PDSS2: variants seen among roughly 807,000 people sequenced by gnomAD.
PDSS2 encodes the protein decaprenyl diphosphate synthase subunit 2.
Under a neutral mutation model 44.5 loss-of-function variants are expected in PDSS2, and 31 were observed. The observed-to-expected ratio is 0.70, with a 90% confidence interval of 0.52 to 0.94. The LOEUF (loss-of-function observed/expected upper bound fraction) is 0.94. Ranked by LOEUF, PDSS2 falls within the 40% of genes least tolerant of loss-of-function variation. The pLI is 0.00. For synonymous variants in PDSS2, 157 were observed against 180.3 expected (o/e 0.87, Z 1.03); for missense variants, 452 against 482.2 (o/e 0.94, Z 0.59).
intron 2 of PDSS2, among the ~76,000 whole-genome samples, chr6:107,279,631 T>A (rs1775894836): frequency 1.3e-5 from 2 of 152,178 alleles, no homozygotes. Context: ...CCCCAAATTA[T>A]AAGATTCAGG....
chr6:107,185,046 G>A (rs574820393), intron 7 of PDSS2, among the ~76,000 whole-genome samples: 5 of 151,188 alleles, frequency 3.3e-5, no homozygotes, highest in South Asian at 4.2e-4. Flanking sequence ...GTGGAGATGG[G>A]AGGATCTCTT....
At chr6:107,344,460 C>T (rs575159253) in intron 1 of PDSS2, among the ~76,000 whole-genome samples, 3 of 152,226 alleles carry the variant, frequency 2.0e-5, no homozygotes, top group African/African-American at 7.2e-5. Context: ...CCTGAGGTGA[C>T]CAGCCTTTAG....
At chr6:107,322,485 C>G (rs937000237) in intron 2 of PDSS2, among the ~76,000 whole-genome samples, 1 of 152,040 alleles carries the variant, frequency 6.6e-6, no homozygotes, top group Non-Finnish European at 1.5e-5. Context: ...GGCCACTGTA[C>G]TCCAGCCTGG....
chr6:107,413,560 G>A (rs1274545944), intron 1 of PDSS2, among the ~76,000 whole-genome samples: 5 of 152,118 alleles, frequency 3.3e-5, no homozygotes, highest in Non-Finnish European at 7.4e-5. Context: ...TGTCTCCTGG[G>A]TTCAAAGGAT....
At chr6:107,182,045 G>A (rs1772003132) in intron 7 of PDSS2, among the ~76,000 whole-genome samples, 1 of 152,158 alleles carries the variant, frequency 6.6e-6, no homozygotes, top group African/African-American at 2.4e-5. Flanking sequence ...TGCCACTGAG[G>A]TGTGTGGGAT....
chr6:107,239,102 C>T (rs1238066225), intron 4 of PDSS2, among the ~76,000 whole-genome samples: 1 of 151,918 alleles, frequency 6.6e-6, no homozygotes, highest in Admixed American at 6.6e-5. Context: ...CATGGTGAAA[C>T]CCCATCTCTA....
At chr6:107,458,026 G>C (rs985862483) in intron 1 of PDSS2, among the ~76,000 whole-genome samples, 1 of 152,094 alleles carries the variant, frequency 6.6e-6, no homozygotes, top group South Asian at 2.1e-4. Flanking sequence ...ATATCTGTGT[G>C]TATATGTATT....
chr6:107,201,390 CAAAAAA>C (rs747612959), intron 6 of PDSS2, among the ~76,000 whole-genome samples: 1 of 52,150 alleles, frequency 1.9e-5, no homozygotes, highest in African/African-American at 9.8e-5. Flanking sequence ...CATACAAAAG[CAAAAAA>C]AAAAAAAAAA....
intron 1 of PDSS2, among the ~76,000 whole-genome samples, chr6:107,424,695 GTATACCTTTGGT>G (rs1244595467): frequency 6.6e-6 from 1 of 152,140 alleles, no homozygotes; most frequent in Non-Finnish European, 1.5e-5. Flanking sequence ...AAAATGAATT[GTATACCTTTGGT>G]ATATGTCTTT....
chr6:107,366,470 AAACT>A (rs761871843), intron 1 of PDSS2, among the ~76,000 whole-genome samples: 16 of 152,134 alleles, frequency 1.1e-4, no homozygotes, highest in Admixed American at 2.0e-4. Context: ...GATAAAGAGC[AAACT>A]AACCCCAAGC....
intron 1 of PDSS2, among the ~76,000 whole-genome samples, chr6:107,365,211 T>A (rs1383379204): frequency 6.6e-6 from 1 of 152,132 alleles, no homozygotes; most frequent in East Asian, 1.9e-4. Flanking sequence ...TATAGAAATA[T>A]ATTTAACAAT....
rs1203766706 is a variant in PDSS2 at position 107,429,897 on chromosome 6, AAAAAATATATAT to A, written c.296+29081_296+29092del. ...AAAACTTAGTCTCAAAAAAAAAAAAAAAAAATATATATATATATATATATATATATATATATA... is the reference window on the plus strand; with the variant it reads ...AAAACTTAGTCTCAAAAAAAAAAAAAATATATATATATATATATATATATA... On this transcript the variant is annotated intron_variant, in intron 1 of 7. Coordinates refer to ENST00000369037, the MANE Select transcript of PDSS2 (RefSeq NM_020381.4). 1.6e-3 allele frequency among the ~76,000 whole-genome samples: 64 copies of A among 41,258 alleles called. 3 individuals are homozygous for A. The East Asian group carries it at 0.025, about 16-fold the overall frequency. 27.1% of individuals were successfully genotyped at this position (41,258 alleles called of 152,430 possible).
Position 107,201,390 on chromosome 6 carries a change from C to CAAAAAAAAAAAAAAAAAAAAAAAAA in PDSS2, c.1009-7537_1009-7536insTTTTTTTTTTTTTTTTTTTTTTTTT. Among the ~76,000 whole-genome samples, 2 of 52,150 alleles carry CAAAAAAAAAAAAAAAAAAAAAAAAA rather than the reference C, an allele frequency of 3.8e-5. 1 individual carries two copies. The highest frequency in any genetic ancestry group is 2.0e-4 in the African/African-American group (2 of 10,250). The allele number at this position is 52,150 out of a possible 152,430, so 34.2% of individuals were successfully genotyped here. A position where few individuals can be genotyped will look rare whatever the true frequency, so the allele number is the denominator to read the frequency against. On this transcript the variant is annotated intron_variant, in intron 6 of 7. Transcript: ENST00000369037. ...TGTAAAACAATATTCCATACAAAAGCAAAAAAAAAAAAAAAAAAAAAAAAG... is the reference window on the plus strand; with the variant it reads ...TGTAAAACAATATTCCATACAAAAGCAAAAAAAAAAAAAAAAAAAAAAAAAAAAAAAAAAAAAAAAAAAAAAAAAG...
intron 7 of PDSS2, among the ~76,000 whole-genome samples, chr6:107,177,895 A>C (rs1771849291): frequency 6.6e-6 from 1 of 152,322 alleles, no homozygotes; most frequent in Admixed American, 6.5e-5. Context: ...GTGGGATGAG[A>C]GCATTCACAT....
intron 1 of PDSS2, among the ~76,000 whole-genome samples, chr6:107,405,250 G>A (rs1320526400): frequency 1.3e-5 from 2 of 151,996 alleles, no homozygotes; most frequent in Non-Finnish European, 1.5e-5. Flanking sequence ...GCAATTCATC[G>A]CCACTAGACT....
At chr6:107,166,052 A>G (rs1349437106) in intron 7 of PDSS2, among the ~76,000 whole-genome samples, 1 of 152,124 alleles carries the variant, frequency 6.6e-6, no homozygotes, top group Non-Finnish European at 1.5e-5. Flanking sequence ...TTATCAGCTT[A>G]AGGAGATTTT....
At chr6:107,316,501 G>C (rs1353982576) in intron 2 of PDSS2, among the ~76,000 whole-genome samples, 1 of 151,924 alleles carries the variant, frequency 6.6e-6, no homozygotes, top group Non-Finnish European at 1.5e-5. Context: ...ATTATATATG[G>C]CTATGGTCTA....
intron 3 of PDSS2, among the ~76,000 whole-genome samples, chr6:107,257,696 T>C (rs1775072400): frequency 6.6e-6 from 1 of 152,150 alleles, no homozygotes; most frequent in African/African-American, 2.4e-5. Flanking sequence ...CTTGGCTCAC[T>C]GCAGCCTCCA....
At chr6:107,169,327 A>C (rs543709500) in intron 7 of PDSS2, among the ~76,000 whole-genome samples, 1 of 152,186 alleles carries the variant, frequency 6.6e-6, no homozygotes, top group Non-Finnish European at 1.5e-5. Flanking sequence ...TTTCAGCTCC[A>C]TCAGGTCATT....
Sources: gnomAD v4.1 joint callset for allele counts (sites outside exome capture counted in the v4.1 genomes callset) on GRCh38, gnomAD v4.1.1 for gene constraint, MANE v1.5 for transcripts, NCBI Gene and HGNC (gene_info 2026-07-23, HGNC 2026-07-21) for gene names.